The following RALGPS2 variants were observed in gnomAD, a reference collection of about 807,000 sequenced individuals.
RALGPS2 encodes Ral GEF with PH domain and SH3 binding motif 2.
Under a neutral mutation model 86.8 loss-of-function variants are expected in RALGPS2, and 43 were observed. That is an observed-to-expected ratio of 0.50 (90% CI 0.39 to 0.64). RALGPS2 has a LOEUF of 0.64. Ranked by LOEUF, RALGPS2 falls within the 30% of genes least tolerant of loss-of-function variation. The pLI is 0.00. For missense variants in RALGPS2, 536 were observed against 694.6 expected (o/e 0.77, Z 2.57); for synonymous variants, 243 against 231.3 (o/e 1.05, Z -0.46).
intron 7 of RALGPS2, among the ~76,000 whole-genome samples, chr1:178,822,817 A>G (rs1655566175): frequency 6.6e-6 from 1 of 152,136 alleles, no homozygotes. Context: ...TTTTAGGGAA[A>G]AGAATTATAC....
chr1:178,790,542 A>G (rs1461212944), intron 4 of RALGPS2, among the ~76,000 whole-genome samples: 3 of 152,152 alleles, frequency 2.0e-5, no homozygotes, highest in Non-Finnish European at 4.4e-5. Flanking sequence ...CCCTTAACGC[A>G]TGCTATTGCA....
intron 6 of RALGPS2, among the ~76,000 whole-genome samples, chr1:178,821,144 T>G (rs1266140175): frequency 6.6e-6 from 1 of 152,140 alleles, no homozygotes; most frequent in Non-Finnish European, 1.5e-5. Flanking sequence ...TGAGAGGGAC[T>G]GTACTGTGAA....
chr1:178,834,393 A>G (rs1024614027), intron 8 of RALGPS2, among the ~76,000 whole-genome samples: 3 of 152,220 alleles, frequency 2.0e-5, no homozygotes, highest in Non-Finnish European at 4.4e-5. Context: ...GAGTGATTAC[A>G]GTGTCACCTT....
rs1314016314 is a variant in RALGPS2 at position 178,918,109 on chromosome 1, C to CTTCT, written c.*1752_*1755dup. On this transcript the variant is annotated 3_prime_UTR_variant, in exon 20 of 20. Coordinates refer to ENST00000367635, the MANE Select transcript of RALGPS2 (RefSeq NM_152663.5). ...AAAAGATGTTAAGAGTTCAAATATGCTTCTTATGTAACAGAAATACCATTA... is the reference window on the plus strand; with the variant it reads ...AAAAGATGTTAAGAGTTCAAATATGCTTCTTTCTTATGTAACAGAAATACCATTA... 6.6e-6 allele frequency: 1 copy of CTTCT among 151,994 alleles called. No individual in the cohort carries two copies. Among genetic ancestry groups the CTTCT allele is most frequent in the African/African-American group, 2.4e-5 (1 of 41,416 alleles). 9.4% of individuals were successfully genotyped at this position (151,994 alleles called of 1,614,324 possible).
chr1:178,916,301 A>G, intron 19 of RALGPS2, 29 bp from the exon 20 acceptor site: 1 of 1,553,508 alleles, frequency 6.4e-7, no homozygotes, highest in Non-Finnish European at 8.9e-7. Context: ...CAACTTTTAA[A>G]CTCAGTTTTT....
intron 16 of RALGPS2, among the ~76,000 whole-genome samples, chr1:178,897,115 A>T: frequency 6.6e-6 from 1 of 152,032 alleles, no homozygotes; most frequent in African/African-American, 2.4e-5. Context: ...CCCCATCAAA[A>T]AGTGGGCGAA....
At chr1:178,824,470 G>A (rs1349591428) in intron 7 of RALGPS2, among the ~76,000 whole-genome samples, 1 of 152,160 alleles carries the variant, frequency 6.6e-6, no homozygotes, top group Non-Finnish European at 1.5e-5. Context: ...TTGATGAGAT[G>A]AAAGAGAATT....
In RALGPS2 at chr1:178,785,623, A is replaced by G; in HGVS notation, c.213+16A>G. 1 of 1,562,042 alleles carries G rather than the reference A, an allele frequency of 6.4e-7. No homozygotes were observed. The highest frequency in any genetic ancestry group is 8.6e-7 in the Non-Finnish European group (1 of 1,156,788). ...TCAACCAGATGTAAGTAGTTTTGAG[A>G]ATGTTCCTTTTAAATATAGAAAACG... On this transcript the variant is annotated intron_variant, in intron 4 of 19. Transcript: ENST00000367635.
At chr1:178,749,703 CT>C (rs1261529620) in intron 1 of RALGPS2, among the ~76,000 whole-genome samples, 1 of 152,190 alleles carries the variant, frequency 6.6e-6, no homozygotes, top group East Asian at 1.9e-4. Flanking sequence ...TTATCTACAG[CT>C]GCTCCAGAAG....
chr1:178,860,728 AAT>A (rs1480020436), intron 8 of RALGPS2, among the ~76,000 whole-genome samples: 2 of 152,276 alleles, frequency 1.3e-5, no homozygotes, highest in Non-Finnish European at 2.9e-5. Flanking sequence ...CACCTCTTAA[AAT>A]ATACATTGTT....
chr1:178,862,865 T>A (rs1401854417), intron 8 of RALGPS2, among the ~76,000 whole-genome samples: 1 of 152,054 alleles, frequency 6.6e-6, no homozygotes, highest in East Asian at 1.9e-4. Context: ...ATGTGAGTAG[T>A]TTAAGAAGAT....
intron 13 of RALGPS2, among the ~76,000 whole-genome samples, chr1:178,888,810 A>G (rs575591821): frequency 1.3e-5 from 2 of 152,280 alleles, no homozygotes; most frequent in East Asian, 3.9e-4. Context: ...AGCATCCATT[A>G]CAGGTGTCTG....
intron 1 of RALGPS2, among the ~76,000 whole-genome samples, chr1:178,763,083 G>C (rs1439535073): frequency 6.6e-6 from 1 of 152,182 alleles, no homozygotes; most frequent in Admixed American, 6.5e-5. Context: ...ACTTATCCCA[G>C]CACCATTTAT....
intron 1 of RALGPS2, among the ~76,000 whole-genome samples, chr1:178,727,921 G>A (rs1308226539): frequency 6.6e-6 from 1 of 152,148 alleles, no homozygotes; most frequent in Non-Finnish European, 1.5e-5. Context: ...AAACTCCTCT[G>A]ATAACTTTTT....
chr1:178,852,099 T>TA (rs1657210346), intron 8 of RALGPS2, among the ~76,000 whole-genome samples: 2 of 152,198 alleles, frequency 1.3e-5, no homozygotes, highest in African/African-American at 4.8e-5. Context: ...GAAATGCTCT[T>TA]ACACCATGTA....
At chr1:178,879,172 A>G in intron 10 of RALGPS2, 180 bp downstream of exon 10, 1 of 741,250 alleles carries the variant, frequency 1.3e-6, no homozygotes, top group Non-Finnish European at 1.9e-6. Context: ...TTGAGCCAAT[A>G]TACAAATACC....
At chr1:178,825,917 A>G (rs1655723196) in intron 7 of RALGPS2, among the ~76,000 whole-genome samples, 1 of 152,160 alleles carries the variant, frequency 6.6e-6, no homozygotes, top group African/African-American at 2.4e-5. Context: ...GAGCAGGGTG[A>G]GAGATAATGA....
chr1:178,824,446 T>C (rs1446407320), intron 7 of RALGPS2, among the ~76,000 whole-genome samples: 1 of 152,218 alleles, frequency 6.6e-6, no homozygotes, highest in Non-Finnish European at 1.5e-5. Context: ...TGAGGAATTA[T>C]ACCAGTGATA....
At chr1:178,801,543 T>G (rs1654478192) in intron 4 of RALGPS2, among the ~76,000 whole-genome samples, 1 of 152,178 alleles carries the variant, frequency 6.6e-6, no homozygotes, top group East Asian at 1.9e-4. Context: ...AAAAAATTTT[T>G]TAATACTTTT....
Sources: gnomAD v4.1 joint callset for allele counts (sites outside exome capture counted in the v4.1 genomes callset) on GRCh38, gnomAD v4.1.1 for gene constraint, MANE v1.5 for transcripts, NCBI Gene and HGNC (gene_info 2026-07-23, HGNC 2026-07-21) for gene names.